Variants in DTNA observed in about 807,000 individuals in gnomAD.
DTNA encodes the protein dystrobrevin alpha, also known as dystrophin-related protein 3.
A neutral mutation model predicts 100.7 loss-of-function variants in DTNA; 43 were observed. The ratio of observed to expected loss-of-function variants is 0.43; its 90% CI spans 0.33 to 0.55. DTNA has a LOEUF of 0.55. DTNA is among the 20% of genes least tolerant of loss of function. DTNA has a pLI of 0.04. For missense variants in DTNA, 798 were observed against 953.9 expected (o/e 0.84, Z 2.15); for synonymous variants, 349 against 347.9 (o/e 1.00, Z -0.04).
chr18:34,634,977 TTA>T (rs1377214270), intron 1 of DTNA, among the ~76,000 whole-genome samples: 1 of 152,188 alleles, frequency 6.6e-6, no homozygotes, highest in African/African-American at 2.4e-5. Context: ...CATGTTAGCA[TTA>T]TGATTTATTC....
rs759189232 is a variant in DTNA, at chr18:34,875,331, C to T, written c.1836C>T (p.Thr612=). 4 of 1,614,214 alleles carry T rather than the reference C, an allele frequency of 2.5e-6. No homozygotes were observed. Among genetic ancestry groups the T allele is most frequent in the Non-Finnish European group, 2.5e-6 (3 of 1,180,044 alleles). ...TCCGGTCAGCGTCAGCCTGCTCCAC[C>T]CCGACGCACACGCCGCAGGACTCCC... ...MPIRSASACS[T]PTHTPQDSLT... Residue 612 remains threonine (T), a synonymous_variant, in exon 18 of 23, where the codon ACC becomes ACT. Coordinates refer to ENST00000444659, the MANE Select transcript of DTNA (RefSeq NM_001386795.1).
intron 1 of DTNA, among the ~76,000 whole-genome samples, chr18:34,544,590 A>T (rs1366020404): frequency 1.3e-5 from 2 of 152,158 alleles, no homozygotes; most frequent in Non-Finnish European, 2.9e-5. Flanking sequence ...ATTTTAAATT[A>T]GAGTACATAT....
intron 17 of DTNA, chr18:34,867,312 A>G: frequency 8.1e-7 from 1 of 1,230,886 alleles, no homozygotes; most frequent in South Asian, 4.1e-5. Flanking sequence ...CTGTAATGTC[A>G]GACAATAAAG....
intron 1 of DTNA, among the ~76,000 whole-genome samples, chr18:34,731,471 G>A (rs1443282398): frequency 2.7e-5 from 4 of 150,936 alleles, no homozygotes; most frequent in African/African-American, 7.4e-5. Flanking sequence ...GGGCGACAGA[G>A]CGAGACTCCG....
chr18:34,890,689 G>A lies in DTNA; in HGVS notation c.*2955G>A. The A allele has an allele frequency of 1.6e-6, 1 of 608,792 alleles. No homozygotes were observed. The highest frequency in any genetic ancestry group is 2.7e-6 in the Non-Finnish European group (1 of 367,190). The allele number at this position is 608,792 out of a possible 1,614,324, so 37.7% of individuals were successfully genotyped here. On this transcript the variant is annotated 3_prime_UTR_variant, in exon 23 of 23. Transcript: ENST00000444659. ...GTGGTTGGTCAGGACGGAAGTTGGG[G>A]TAAGTTTGGTTGGTCAGAGGGAGTT...
At position 34,534,681 on chromosome 18, in the gene DTNA, C is replaced by T. The variant is rs184809081; in HGVS notation, c.-2+41167C>T. On this transcript the variant is annotated intron_variant, in intron 1 of 19. Transcript: ENST00000283365. ...CCTACAGGCTCTGGTGCGTGATGTT[C>T]CCCTCCCTGTGTCCATGTGTTCTCG... is the stretch of plus-strand genomic sequence containing the variant. 6.6e-4 allele frequency among the ~76,000 whole-genome samples: 101 copies of T among 152,100 alleles called. No individual in the cohort carries two copies. In the East Asian group the frequency reaches 0.017, roughly 26 times the overall value.
intron 1 of DTNA, among the ~76,000 whole-genome samples, chr18:34,687,456 T>C (rs2079069955): frequency 6.6e-6 from 1 of 152,194 alleles, no homozygotes; most frequent in Non-Finnish European, 1.5e-5. Context: ...CAGTTTTGAG[T>C]GAGTTTCTTA....
At chr18:34,525,675 C>A (rs888857162) in intron 1 of DTNA, among the ~76,000 whole-genome samples, 1 of 152,084 alleles carries the variant, frequency 6.6e-6, no homozygotes, top group Non-Finnish European at 1.5e-5. Flanking sequence ...ACTCCTCTGA[C>A]GCTGAGTGGT....
At position 34,682,857 on chromosome 18, in the gene DTNA, A is replaced by G. The variant is rs142560561; in HGVS notation, c.-1-73119A>G. ...TAAAAACTGAAAAAAAATTAAACTT[A>G]ATATATTTAAAGCCATATCCTCAGC... On this transcript the variant is annotated intron_variant, in intron 1 of 19. Coordinates refer to the DTNA transcript ENST00000283365. 3.5e-4 allele frequency among the ~76,000 whole-genome samples: 53 copies of G among 152,270 alleles called. No homozygotes were observed. The East Asian group carries it at 8.9e-3, about 26-fold the overall frequency.
At chr18:34,824,015 CAT>C in intron 9 of DTNA, among the ~76,000 whole-genome samples, 1 of 152,254 alleles carries the variant, frequency 6.6e-6, no homozygotes, top group East Asian at 1.9e-4. Context: ...TCTTCAAAGA[CAT>C]ATTCAGAAAA....
upstream of DTNA, among the ~76,000 whole-genome samples, chr18:34,706,578 T>C (rs1308802028): frequency 2.6e-5 from 4 of 152,094 alleles, no homozygotes; most frequent in Admixed American, 1.3e-4. Context: ...GAGTTCACAA[T>C]AGGTTATCTG....
At chr18:34,790,254 A>G (rs1231992121) in intron 3 of DTNA, among the ~76,000 whole-genome samples, 2 of 152,112 alleles carry the variant, frequency 1.3e-5, no homozygotes, top group African/African-American at 4.8e-5. Flanking sequence ...GCAACGCAGA[A>G]TGGGAAACAG....
At chr18:34,514,717 A>C (rs2041424407) in intron 1 of DTNA, among the ~76,000 whole-genome samples, 1 of 152,084 alleles carries the variant, frequency 6.6e-6, no homozygotes, top group South Asian at 2.1e-4. Flanking sequence ...TTACTGGCTC[A>C]TATATGGCAA....
At chr18:34,754,500 T>C (rs1475384137) in intron 1 of DTNA, among the ~76,000 whole-genome samples, 1 of 152,182 alleles carries the variant, frequency 6.6e-6, no homozygotes, top group Non-Finnish European at 1.5e-5. Flanking sequence ...AGCGTGGTCC[T>C]GGCTTGATCA....
intron 1 of DTNA, among the ~76,000 whole-genome samples, chr18:34,731,234 C>T (rs966523098): frequency 6.6e-6 from 1 of 151,768 alleles, no homozygotes; most frequent in Non-Finnish European, 1.5e-5. Flanking sequence ...AATCCCAGCA[C>T]TTTGGGAGGC....
At chr18:34,498,441 A>T (rs201158617) in intron 1 of DTNA, among the ~76,000 whole-genome samples, 2 of 67,558 alleles carry the variant, frequency 3.0e-5, no homozygotes, top group African/African-American at 1.5e-4. Context: ...TCAGAAAATA[A>T]TATAATAATA....
At chr18:34,875,817 T>C (rs1411503532) in intron 18 of DTNA, among the ~76,000 whole-genome samples, 1 of 152,196 alleles carries the variant, frequency 6.6e-6, no homozygotes, top group Non-Finnish European at 1.5e-5. Context: ...GGACATTTAG[T>C]CATTTGACAG....
chr18:34,577,836 A>G (rs2048255857), intron 1 of DTNA, among the ~76,000 whole-genome samples: 3 of 152,072 alleles, frequency 2.0e-5, no homozygotes, highest in African/African-American at 7.2e-5. Context: ...GTGACATACC[A>G]CAGTTTCTTT....
At chr18:34,708,264 C>A (rs1329777499), upstream of DTNA, 1 of 152,036 alleles carries the variant, frequency 6.6e-6, no homozygotes, top group Non-Finnish European at 1.5e-5. Flanking sequence ...ATCAAGGTGA[C>A]CTTGTAAAGG....
Sources: allele counts gnomAD v4.1 joint callset (sites outside exome capture counted in the v4.1 genomes callset), GRCh38; gene constraint gnomAD v4.1.1; transcripts MANE v1.5; gene names NCBI Gene and HGNC (gene_info 2026-07-23, HGNC 2026-07-21).